Variants in ARHGDIA observed in about 807,000 individuals in gnomAD.
The protein encoded by ARHGDIA is Rho GDP dissociation inhibitor alpha.
ARHGDIA carries 9 observed loss-of-function variants against 25.0 expected under a neutral mutation model. The ratio of observed to expected loss-of-function variants is 0.36; its 90% confidence interval spans 0.22 to 0.63. ARHGDIA has a LOEUF of 0.63. Among genes scored for constraint, ARHGDIA ranks in the 20% least tolerant of loss-of-function variants. ARHGDIA has a pLI of 0.69. For synonymous variants in ARHGDIA, 166 were observed against 111.5 expected, an observed-to-expected ratio of 1.49 and a Z score of -3.08; for missense variants, 239 against 264.3, an observed-to-expected ratio of 0.90 and a Z score of 0.66.
At position 81,869,610 on chromosome 17, in the gene ARHGDIA, T is replaced by A. The variant is rs771665592; in HGVS notation, c.206A>T (p.Asn69Ile). 1 of 1,515,250 alleles carries A rather than the reference T, an allele frequency of 6.6e-7. No homozygotes were observed. The highest frequency in any genetic ancestry group is 2.4e-5 in the East Asian group (1 of 42,520). 93.9% of individuals were successfully genotyped at this position (1,515,250 alleles called of 1,614,324 possible). Reference sequence around the variant, plus strand: ...CAGGGTCAGGCCAGTCACCACGACGTTGGGGACGTTGGGGTCTGGGGAGTG... The same window carrying A: ...CAGGGTCAGGCCAGTCACCACGACGATGGGGACGTTGGGGTCTGGGGAGTG... ...VAVSADPNVP[N>I]VVVTGLTLVC... The change falls in exon 3 of 6, where the codon AAC (asparagine) becomes ATC (isoleucine). Residue 69 changes from asparagine to isoleucine, a missense_variant. Asn to Ile is a moderately radical substitution (Grantham distance 149). Coordinates refer to ENST00000269321, the MANE Select transcript of ARHGDIA (RefSeq NM_004309.6).
At position 81,868,647 on chromosome 17, in the gene ARHGDIA, A is replaced by T; in HGVS notation, c.*229T>A. 6.5e-7 allele frequency: 1 copy of T among 1,535,308 alleles called. No individual in the cohort carries two copies. Among genetic ancestry groups the T allele is most frequent in the Non-Finnish European group, 8.7e-7 (1 of 1,146,782 alleles). On this transcript the variant is annotated 3_prime_UTR_variant, in exon 6 of 6. Transcript: ENST00000269321. ...GGCCTCTCTCCCCCACAGCACAGGC[A>T]GAAGCAGCAACGAGACAGGAGACCG...
chr17:81,869,230 G>C lies in ARHGDIA; in HGVS notation c.358C>G (p.Arg120Gly). 1.9e-6 allele frequency: 3 copies of C among 1,614,064 alleles called. No individual in the cohort carries two copies. Among genetic ancestry groups the C allele is most frequent in the Non-Finnish European group, 8.5e-7 (1 of 1,179,984 alleles). ...YRIKISFRVN[R>G]EIVSGMKYIQ... ...TACTTCATGCCGGACACTATCTCTC[G>C]GTTAACCTGCAGGACCCGAAGCGAG... Residue 120 changes from arginine (R) to glycine (G), a missense_variant, in exon 5 of 6, where the codon CGA becomes GGA. By Grantham distance (125) the Arg-to-Gly change is moderately radical (BLOSUM62 -2). Around this residue, in one of 3 missense-constraint regions of ARHGDIA, gnomAD observed 75 missense variants for 122.4 expected, o/e 0.61. Coordinates refer to ENST00000269321, the MANE Select transcript of ARHGDIA (RefSeq NM_004309.6).
Position 81,869,922 on chromosome 17 carries a change from C to T in ARHGDIA, c.9G>A (p.Glu3=). The T allele has an allele frequency of 6.2e-7, 1 of 1,613,270 alleles. No individual in the cohort carries two copies. Residue 3 remains glutamate, a synonymous_variant, in exon 2 of 6, where the codon GAG becomes GAA. Coordinates refer to ENST00000269321, the MANE Select transcript of ARHGDIA (RefSeq NM_004309.6). ...CCAGCTGCTCGGCTGTGGGCTCCTG[C>T]TCAGCCATGCTCAAGCTTAGCCTGG... The part of the protein sequence containing the change: MA[E]QEPTAEQLAQ...
rs1447804244 is a variant in ARHGDIA, at chr17:81,869,522, C to G, written c.274+20G>C. 4 of 1,602,828 alleles carry G rather than the reference C, an allele frequency of 2.5e-6. No individual in the cohort carries two copies. In the East Asian group the frequency reaches 6.7e-5, roughly 27 times the overall value. On this transcript the variant is annotated intron_variant, in intron 3 of 5. Transcript: ENST00000269321. ...CCCCACCAGGGGCCGCCCGGACCCCCGCGGCCGCAGGGCACTCACCCGTCA... is the reference window on the plus strand; with the variant it reads ...CCCCACCAGGGGCCGCCCGGACCCCGGCGGCCGCAGGGCACTCACCCGTCA...
rs777396664 is a variant in ARHGDIA at position 81,869,424 on chromosome 17, C to T, written c.275-18G>A. 1.9e-6 allele frequency: 3 copies of T among 1,613,482 alleles called. No homozygotes were observed. Among genetic ancestry groups the T allele is most frequent in the East Asian group, 2.2e-5 (1 of 44,888 alleles). On this transcript the variant is annotated intron_variant, in intron 3 of 5. Coordinates refer to ENST00000269321, the MANE Select transcript of ARHGDIA (RefSeq NM_004309.6). ...CAGGTCGCCTGTTGGGGGGACCTCCCCCTCAATGACTGCCCAGCAGCCCTG... is the reference window on the plus strand; with the variant it reads ...CAGGTCGCCTGTTGGGGGGACCTCCTCCTCAATGACTGCCCAGCAGCCCTG...
intron 1 of ARHGDIA, 175 bp from the exon 2 acceptor site, chr17:81,870,132 C>A: frequency 1.6e-6 from 1 of 617,154 alleles, no homozygotes; most frequent in Non-Finnish European, 2.8e-6. Flanking sequence ...GTGAGGTGCC[C>A]CCACCCCAGG....
chr17:81,870,213 T>A (rs1465715929), intron 1 of ARHGDIA: 4 of 446,056 alleles, frequency 9.0e-6, no homozygotes, highest in Admixed American at 7.3e-5. Context: ...CCCTCCACGA[T>A]GGAGGAGGCA....
Position 81,869,554 on chromosome 17 carries a change from G to C in ARHGDIA, c.262C>G (p.Leu88Val). The C allele has an allele frequency of 6.4e-7, 1 of 1,569,576 alleles. No individual in the cohort carries two copies. The highest frequency in any genetic ancestry group is 8.6e-7 in the Non-Finnish European group (1 of 1,160,568). Residue 88 changes from leucine (L) to valine (V), a missense_variant, in exon 3 of 6, where the codon CTG (leucine) becomes GTG (valine). Physicochemically the swap from Leu to Val is conservative, Grantham distance 32 (BLOSUM62 1). Transcript: ENST00000269321. ...GCAGGGCACTCACCCGTCAGGTCCA[G>C]CTCCAGGGGGCCCGGGGCCGAGCTG... ...VCSSAPGPLE[L>V]DLTGDLESFK... is the part of the protein sequence containing the mutation.
rs760182464 is a variant in ARHGDIA, at chr17:81,868,800, G to A, written c.*76C>T. On this transcript the variant is annotated 3_prime_UTR_variant, in exon 6 of 6. Transcript: ENST00000269321. ...GCCTGTCAGCACTTTGGTATGGGGAGGGGAGGGGCTGGGGGGGACACATCC... is the reference window on the plus strand; with the variant it reads ...GCCTGTCAGCACTTTGGTATGGGGAAGGGAGGGGCTGGGGGGGACACATCC... 15 of 1,589,690 alleles carry A rather than the reference G, an allele frequency of 9.4e-6. No homozygotes were observed. In the South Asian group the frequency reaches 1.5e-4, roughly 16 times the overall value.
At position 81,868,271 on chromosome 17, in the gene ARHGDIA, T is replaced by G; in HGVS notation, c.*605A>C. On this transcript the variant is annotated 3_prime_UTR_variant, in exon 6 of 6. Transcript: ENST00000269321. ...CACACCCCACGTGTCCCTGGGTCAC[T>G]GGGTTCGCCACCGGGGAAGGGACGG... 7.9e-7 allele frequency: 1 copy of G among 1,258,998 alleles called. No homozygotes were observed. Among genetic ancestry groups the G allele is most frequent in the Non-Finnish European group, 1.0e-6 (1 of 953,096 alleles). The allele number at this position is 1,258,998 out of a possible 1,614,324, so 78.0% of individuals were successfully genotyped here.
In ARHGDIA at chr17:81,868,738, G is replaced by A. The variant is rs1229270482; in HGVS notation, c.*138C>T. The A allele has an allele frequency of 6.7e-7, 1 of 1,503,394 alleles. No homozygotes were observed. The highest frequency in any genetic ancestry group is 8.9e-7 in the Non-Finnish European group (1 of 1,127,856). 93.1% of individuals were successfully genotyped at this position (1,503,394 alleles called of 1,614,324 possible). A position where few individuals can be genotyped will look rare whatever the true frequency, so the allele number is the denominator to read the frequency against. On this transcript the variant is annotated 3_prime_UTR_variant, in exon 6 of 6. Transcript: ENST00000269321. Reference sequence around the variant, plus strand: ...GGTCGGAGGCACTCGGTTGAGCCAGGCCAGGGAGGCGGACCAGGGTGGGAG... The same window carrying A: ...GGTCGGAGGCACTCGGTTGAGCCAGACCAGGGAGGCGGACCAGGGTGGGAG...
Position 81,868,417 on chromosome 17 carries a change from A to G in ARHGDIA, c.*459T>C. Reference sequence around the variant, plus strand: ...ACAGCGACAAGGGGGCTGGCCAGGGAGCAGCGGGGCTGGAGGACGGCCCGG... The same window carrying G: ...ACAGCGACAAGGGGGCTGGCCAGGGGGCAGCGGGGCTGGAGGACGGCCCGG... On this transcript the variant is annotated 3_prime_UTR_variant, in exon 6 of 6. Coordinates refer to ENST00000269321, the MANE Select transcript of ARHGDIA (RefSeq NM_004309.6). 6.9e-7 allele frequency: 1 copy of G among 1,455,714 alleles called. No individual in the cohort carries two copies. Among genetic ancestry groups the G allele is most frequent in the South Asian group, 1.4e-5 (1 of 72,216 alleles). 90.2% of individuals were successfully genotyped at this position (1,455,714 alleles called of 1,614,324 possible). A position where few individuals can be genotyped will look rare whatever the true frequency, so the allele number is the denominator to read the frequency against.
chr17:81,869,635 G>A lies in ARHGDIA; in HGVS notation c.191-10C>T, dbSNP rs2039213147. On this transcript the variant is annotated splice_polypyrimidine_tract_variant and intron_variant, in intron 2 of 5. Transcript: ENST00000269321. ...TTGGGGACGTTGGGGTCTGGGGAGT[G>A]ACAGCAGGTGAGGGCCCCACCCCCA... The A allele has an allele frequency of 6.6e-7, 1 of 1,515,458 alleles. No individual in the cohort carries two copies. Among genetic ancestry groups the A allele is most frequent in the Non-Finnish European group, 8.8e-7 (1 of 1,132,562 alleles). 93.9% of individuals were successfully genotyped at this position (1,515,458 alleles called of 1,614,324 possible). A position where few individuals can be genotyped will look rare whatever the true frequency, so the allele number is the denominator to read the frequency against.
chr17:81,868,130 G>A lies in ARHGDIA; in HGVS notation c.*746C>T. ...TACCCAGCCTCCTGGATGGTACTGA[G>A]GTGACTTGAGTTTTGGCAATTTGGC... is the stretch of plus-strand genomic sequence containing the variant. On this transcript the variant is annotated 3_prime_UTR_variant, in exon 6 of 6. Transcript: ENST00000269321. The A allele has an allele frequency of 2.1e-6, 1 of 483,042 alleles. No individual in the cohort carries two copies. The highest frequency in any genetic ancestry group is 3.6e-6 in the Non-Finnish European group (1 of 274,008). 29.9% of individuals were successfully genotyped at this position (483,042 alleles called of 1,614,324 possible).
At chr17:81,870,131 C>T (rs2039244175) in intron 1 of ARHGDIA, 174 bp from the exon 2 acceptor site, 1 of 620,258 alleles carries the variant, frequency 1.6e-6, no homozygotes, top group African/African-American at 1.8e-5. Context: ...TGTGAGGTGC[C>T]CCCACCCCAG....
In ARHGDIA at chr17:81,868,150, T is replaced by A. The variant is rs2039105198; in HGVS notation, c.*726A>T. 2.0e-6 allele frequency: 1 copy of A among 496,294 alleles called. No individual in the cohort carries two copies. Among genetic ancestry groups the A allele is most frequent in the Non-Finnish European group, 3.5e-6 (1 of 285,518 alleles). The allele number at this position is 496,294 out of a possible 1,614,324, so 30.7% of individuals were successfully genotyped here. On this transcript the variant is annotated 3_prime_UTR_variant, in exon 6 of 6. Coordinates refer to ENST00000269321, the MANE Select transcript of ARHGDIA (RefSeq NM_004309.6). ...ACTGAGGTGACTTGAGTTTTGGCAA[T>A]TTGGCTTTCCCCAAGCCGCCGGAGC... is the stretch of plus-strand genomic sequence containing the variant.
In ARHGDIA at chr17:81,868,255, CGT is replaced by C. The variant is rs1191191753; in HGVS notation, c.*619_*620del. ...TGGGGAGCAGCAGCAGCACACCCCA[CGT>C]GTCCCTGGGTCACTGGGTTCGCCAC... On this transcript the variant is annotated 3_prime_UTR_variant, in exon 6 of 6. Coordinates refer to ENST00000269321, the MANE Select transcript of ARHGDIA (RefSeq NM_004309.6). The C allele has an allele frequency of 1.0e-5, 11 of 1,086,182 alleles. No individual in the cohort carries two copies. In the East Asian group the frequency reaches 2.9e-4, roughly 29 times the overall value. The allele number at this position is 1,086,182 out of a possible 1,614,324, so 67.3% of individuals were successfully genotyped here.
Position 81,869,426 on chromosome 17 carries a change from C to A in ARHGDIA, c.275-20G>T, listed in dbSNP as rs372602369. The A allele has an allele frequency of 4.8e-5, 77 of 1,612,962 alleles. No homozygotes were observed. In the African/African-American group the frequency reaches 8.8e-4, roughly 19 times the overall value. On this transcript the variant is annotated intron_variant, in intron 3 of 5. Coordinates refer to ENST00000269321, the MANE Select transcript of ARHGDIA (RefSeq NM_004309.6). ...GGTCGCCTGTTGGGGGGACCTCCCC[C>A]TCAATGACTGCCCAGCAGCCCTGCG...
Position 81,868,509 on chromosome 17 carries a change from G to A in ARHGDIA, c.*367C>T, listed in dbSNP as rs376097951. On this transcript the variant is annotated 3_prime_UTR_variant, in exon 6 of 6. Coordinates refer to ENST00000269321, the MANE Select transcript of ARHGDIA (RefSeq NM_004309.6). ...GAGCAGCAGACGCACACGTCCAGGG[G>A]CAACCACGGGGCCTGGAGAATGGCT... 5 of 1,530,196 alleles carry A rather than the reference G, an allele frequency of 3.3e-6. No individual in the cohort carries two copies. The African/African-American group carries it at 5.5e-5, about 17-fold the overall frequency. The allele number at this position is 1,530,196 out of a possible 1,614,324, so 94.8% of individuals were successfully genotyped here. A position where few individuals can be genotyped will look rare whatever the true frequency, so the allele number is the denominator to read the frequency against.
Sources: gnomAD v4.1 joint callset for allele counts on GRCh38, gnomAD v4.1.1 for gene constraint, gnomAD v4.1.1 regional missense constraint, MANE v1.5 for transcripts, NCBI Gene and HGNC (gene_info 2026-07-23, HGNC 2026-07-21) for gene names.